The following HDAC8 variants were observed in gnomAD, a reference collection of about 807,000 sequenced individuals.
HDAC8 encodes the protein histone deacetylase 8, also known as histone deacetylase-like 1.
HDAC8 carries 1 observed loss-of-function variant against 32.2 expected under a neutral mutation model. That is an observed-to-expected ratio of 0.03 (90% CI 0.01 to 0.15). The LOEUF is 0.15. Among genes scored for constraint, HDAC8 ranks in the 10% least tolerant of loss-of-function variants. The pLI is 1.00. For synonymous variants in HDAC8, 108 were observed against 113.9 expected, an observed-to-expected ratio of 0.95 and a Z score of 0.33; for missense variants, 117 against 300.0, an observed-to-expected ratio of 0.39 and a Z score of 4.51.
intron 7 of HDAC8, among the ~76,000 whole-genome samples, chrX:72,481,436 G>C (rs782508890): frequency 8.9e-6 from 1 of 111,866 alleles, no homozygotes; most frequent in Non-Finnish European, 1.9e-5. Flanking sequence ...CAAATTTCTA[G>C]AGGGTTCATC....
At position 72,457,885 on chromosome X, in the gene HDAC8, G is replaced by A. The variant is rs1174249600; in HGVS notation, c.1005+4119C>T. Among the ~76,000 whole-genome samples the A allele has an allele frequency of 2.7e-5, 3 of 110,886 alleles. No homozygotes were observed. The Admixed American group carries it at 2.9e-4, about 11-fold the overall frequency. On this transcript the variant is annotated intron_variant, in intron 9 of 10. Coordinates refer to ENST00000373573, the MANE Select transcript of HDAC8 (RefSeq NM_018486.3). ...CTAATTCTTTTTAATGGCTACATAT[G>A]TTCCCTAATATGAATGAGGTACAGT... is the stretch of plus-strand genomic sequence containing the variant.
intron 10 of HDAC8, among the ~76,000 whole-genome samples, chrX:72,342,212 CT>C (rs1555945293): frequency 8.9e-6 from 1 of 112,747 alleles, no homozygotes; most frequent in East Asian, 2.8e-4. Context: ...AGATACTTTC[CT>C]TTCTCAAAAG....
intron 9 of HDAC8, among the ~76,000 whole-genome samples, chrX:72,436,369 G>A (rs1245685195): frequency 1.8e-5 from 2 of 111,557 alleles, no homozygotes; most frequent in African/African-American, 6.5e-5. Context: ...AAATGACAGT[G>A]GATTTCTCAT....
chrX:72,499,151 A>C (rs1204312370), intron 4 of HDAC8, among the ~76,000 whole-genome samples: 1 of 111,970 alleles, frequency 8.9e-6, no homozygotes, highest in Non-Finnish European at 1.9e-5. Context: ...TGCTTCTTGT[A>C]CAGACTGAAG....
intron 9 of HDAC8, among the ~76,000 whole-genome samples, chrX:72,427,298 G>A (rs868951359): frequency 9.0e-6 from 1 of 110,583 alleles, no homozygotes; most frequent in African/African-American, 3.3e-5. Flanking sequence ...ACATGCACAC[G>A]TATGTTTATT....
chrX:72,448,199 A>G (rs1246522289), intron 9 of HDAC8, among the ~76,000 whole-genome samples: 3 of 112,212 alleles, frequency 2.7e-5, no homozygotes, highest in African/African-American at 6.5e-5. Context: ...ACAAGGCTAC[A>G]GTAACCAAAA....
Position 72,476,157 on chromosome X carries a change from T to C in HDAC8, c.738-11426A>G, listed in dbSNP as rs144088412. Among the ~76,000 whole-genome samples the C allele has an allele frequency of 2.2e-4, 24 of 111,454 alleles. No individual in the cohort carries two copies. In the East Asian group the frequency reaches 6.5e-3, roughly 30 times the overall value. The stretch of plus-strand genomic sequence containing the variant: ...GAATTAAAGTCATCCAGTGTTTTCA[T>C]GGCACCTTACCAGTGGCCTGAAGTG... On this transcript the variant is annotated intron_variant, in intron 7 of 10. Transcript: ENST00000373573.
intron 9 of HDAC8, among the ~76,000 whole-genome samples, chrX:72,411,030 C>CTT (rs5902707): frequency 0.014 from 1,168 of 83,445 alleles, 12 homozygotes; most frequent in African/African-American, 0.02. Flanking sequence ...TTCTTTCTTT[C>CTT]TTTTTTTTTT....
At chrX:72,488,621 A>C (rs2048758545) in intron 7 of HDAC8, among the ~76,000 whole-genome samples, 1 of 111,646 alleles carries the variant, frequency 9.0e-6, no homozygotes, top group Non-Finnish European at 1.9e-5. Flanking sequence ...AATAAGACAC[A>C]TGTAGGTTTA....
intron 9 of HDAC8, among the ~76,000 whole-genome samples, chrX:72,407,290 G>A (rs1202533778): frequency 8.9e-6 from 1 of 112,117 alleles, no homozygotes; most frequent in Non-Finnish European, 1.9e-5. Flanking sequence ...AGTGTGCACC[G>A]GGGTGAAGCC....
chrX:72,418,012 A>C (rs1555972375), intron 9 of HDAC8, among the ~76,000 whole-genome samples: 1 of 111,750 alleles, frequency 8.9e-6, no homozygotes, highest in Admixed American at 9.5e-5. Flanking sequence ...AACTACTTGC[A>C]GAAGAATAAA....
At chrX:72,343,847 G>C (rs1276239845) in intron 10 of HDAC8, among the ~76,000 whole-genome samples, 1 of 112,498 alleles carries the variant, frequency 8.9e-6, no homozygotes, top group Admixed American at 9.4e-5. Context: ...GCCCAGAATA[G>C]TGCCTGGCAC....
chrX:72,463,374 C>A (rs1555992526), intron 8 of HDAC8, among the ~76,000 whole-genome samples: 1 of 111,646 alleles, frequency 9.0e-6, no homozygotes, highest in Admixed American at 9.5e-5. Flanking sequence ...CTTATATATT[C>A]AAATGTCAAA....
chrX:72,371,837 T>C (rs896774515), intron 9 of HDAC8, among the ~76,000 whole-genome samples: 1 of 112,058 alleles, frequency 8.9e-6, no homozygotes, highest in Non-Finnish European at 1.9e-5. Context: ...GATATAGCAG[T>C]GAACAAAACA....
chrX:72,385,188 G>A (rs189813150), intron 9 of HDAC8, among the ~76,000 whole-genome samples: 12 of 112,022 alleles, frequency 1.1e-4, no homozygotes, highest in Non-Finnish European at 2.1e-4. Flanking sequence ...AAAAGGCTGG[G>A]TGCAGTGGCT....
At chrX:72,435,992 C>T (rs928749203) in intron 9 of HDAC8, among the ~76,000 whole-genome samples, 2 of 108,762 alleles carry the variant, frequency 1.8e-5, no homozygotes, top group Non-Finnish European at 1.9e-5. Context: ...AATTAGTGAA[C>T]GTGAAAACAG....
chrX:72,546,146 G>A (rs923947024), intron 4 of HDAC8, among the ~76,000 whole-genome samples: 2 of 111,530 alleles, frequency 1.8e-5, no homozygotes, highest in African/African-American at 6.5e-5. Flanking sequence ...TGGAGGTCTA[G>A]TTCTACATTC....
chrX:72,391,340 G>A (rs1416496511), intron 9 of HDAC8, among the ~76,000 whole-genome samples: 1 of 112,350 alleles, frequency 8.9e-6, no homozygotes, highest in Non-Finnish European at 1.9e-5. Context: ...GCAGAACTGT[G>A]AATACCCATT....
chrX:72,400,316 A>G (rs1194399957), intron 9 of HDAC8, among the ~76,000 whole-genome samples: 3 of 111,757 alleles, frequency 2.7e-5, no homozygotes, highest in Non-Finnish European at 3.8e-5. Context: ...GGATCAATCT[A>G]TCCATCCATC....
Sources: allele counts gnomAD v4.1 joint callset (sites outside exome capture counted in the v4.1 genomes callset), GRCh38; gene constraint gnomAD v4.1.1; transcripts MANE v1.5; gene names NCBI Gene and HGNC (gene_info 2026-07-23, HGNC 2026-07-21).